The following PARP2 variants were observed in gnomAD, a reference collection of about 807,000 sequenced individuals.
The protein encoded by PARP2 is poly(ADP-ribose) polymerase 2.
A neutral mutation model predicts 77.8 loss-of-function variants in PARP2; 57 were observed. That is an observed-to-expected ratio of 0.73 (90% CI 0.59 to 0.91). PARP2 has a LOEUF of 0.91. Among genes scored for constraint, PARP2 ranks in the 40% least tolerant of loss-of-function variants. PARP2 has a pLI of 0.00. For missense variants in PARP2, 651 were observed against 689.0 expected (o/e 0.94, Z 0.62); for synonymous variants, 226 against 242.6 (o/e 0.93, Z 0.64).
chr14:20,350,978 C>T (rs934513207), intron 5 of PARP2, 69 bp from the exon 6 acceptor site: 7 of 1,181,332 alleles, frequency 5.9e-6, no homozygotes, highest in African/African-American at 1.5e-5. Flanking sequence ...AGATGTTAAG[C>T]AGAGAGATCT....
Position 20,357,032 on chromosome 14 carries a change from A to G in PARP2, c.1330-19A>G. 1 of 1,426,270 alleles carries G rather than the reference A, an allele frequency of 7.0e-7. No homozygotes were observed. Among genetic ancestry groups the G allele is most frequent in the Non-Finnish European group, 9.9e-7 (1 of 1,008,396 alleles). 88.4% of individuals were successfully genotyped at this position (1,426,270 alleles called of 1,614,324 possible). On this transcript the variant is annotated intron_variant, in intron 13 of 15. Coordinates refer to ENST00000429687, the MANE Select transcript of PARP2 (RefSeq NM_001042618.2). ...CAGTGGGTTAGAAGCTGACCTTGGT[A>G]TTCATGTATATATTTCAGTTTGGGA... is the stretch of plus-strand genomic sequence containing the variant.
chr14:20,351,183 T>TAA (rs373833557), intron 6 of PARP2, 61 bp downstream of exon 6: 3 of 1,386,458 alleles, frequency 2.2e-6, no homozygotes, highest in Non-Finnish European at 3.0e-6. Context: ...GTATATTCTC[T>TAA]AAAAAATTTT....
intron 4 of PARP2, among the ~76,000 whole-genome samples, chr14:20,349,108 G>T (rs1056192933): frequency 1.3e-5 from 2 of 152,154 alleles, no homozygotes; most frequent in African/African-American, 4.8e-5. Flanking sequence ...GGAGGCCAAG[G>T]CTGGAGAATC....
intron 9 of PARP2, 58 bp from the exon 10 acceptor site, chr14:20,355,694 C>A: frequency 7.4e-7 from 1 of 1,342,832 alleles, no homozygotes; most frequent in South Asian, 1.2e-5. Context: ...TATTTTTAGT[C>A]ATGCGCCTTT....
intron 4 of PARP2, among the ~76,000 whole-genome samples, chr14:20,347,356 G>GTGTGTATGTATATATA (rs1168423656): frequency 1.7e-4 from 5 of 29,572 alleles, no homozygotes; most frequent in Non-Finnish European, 2.2e-4. Flanking sequence ...ATGTGTGTGT[G>GTGTGTATGTATATATA]TATATATATA....
intron 7 of PARP2, among the ~76,000 whole-genome samples, chr14:20,353,473 G>C (rs1275867646): frequency 6.6e-6 from 1 of 151,328 alleles, no homozygotes; most frequent in East Asian, 2.0e-4. Flanking sequence ...TCGATCTCCT[G>C]ACATCATGAT....
intron 1 of PARP2, 103 bp from the exon 2 acceptor site, chr14:20,344,829 G>A (rs1224649404): frequency 8.2e-6 from 7 of 850,068 alleles, no homozygotes; most frequent in South Asian, 1.7e-5. Flanking sequence ...AAAAAAGAGA[G>A]AAAATTATCT....
At chr14:20,347,404 T>A (rs1338114077) in intron 4 of PARP2, among the ~76,000 whole-genome samples, 71 of 19,578 alleles carry the variant, frequency 3.6e-3, no homozygotes, top group Non-Finnish European at 6.9e-3. Flanking sequence ...ATATATTTTT[T>A]TTTTTTTTTT....
rs1242103638 is a variant in PARP2, at chr14:20,352,140, A to G, written c.498-105A>G. ...TTTATGGAAAGTTGATGTGTAAAGG[A>G]GCTCAGTGCTGGAAAATAAATTCTT... On this transcript the variant is annotated intron_variant, in intron 6 of 15. Coordinates refer to ENST00000429687, the MANE Select transcript of PARP2 (RefSeq NM_001042618.2). 5.3e-5 allele frequency: 33 copies of G among 624,656 alleles called. No individual in the cohort carries two copies. In the East Asian group the frequency reaches 8.0e-4, roughly 15 times the overall value. The allele number at this position is 624,656 out of a possible 1,614,324, so 38.7% of individuals were successfully genotyped here.
chr14:20,352,171 A>C (rs1244758886), intron 6 of PARP2, 74 bp from the exon 7 acceptor site: 1 of 780,200 alleles, frequency 1.3e-6, no homozygotes, highest in Non-Finnish European at 2.2e-6. Context: ...TTCTTTGGAG[A>C]TTTTCTGTCT....
chr14:20,344,854 A>G (rs1407926288), intron 1 of PARP2, 78 bp from the exon 2 acceptor site: 2 of 960,214 alleles, frequency 2.1e-6, no homozygotes, highest in Non-Finnish European at 3.2e-6. Context: ...CCATTTCTTT[A>G]AAAGATTTTT....
Position 20,343,699 on chromosome 14 carries a change from A to G in PARP2, c.46+12A>G, listed in dbSNP as rs571795279. The G allele has an allele frequency of 1.2e-6, 2 of 1,608,708 alleles. No homozygotes were observed. Among genetic ancestry groups the G allele is most frequent in the South Asian group, 1.1e-5 (1 of 89,844 alleles). On this transcript the variant is annotated intron_variant, in intron 1 of 15. Transcript: ENST00000429687. ...CGGCAGGGCGAGAGGTTCGGAGCTC[A>G]ATATCGCGGGACGGCATGCGGGGGG...
rs1884158745 is a variant in PARP2 at position 20,356,527 on chromosome 14, T to C, written c.1230-63T>C. The C allele has an allele frequency of 5.6e-6, 9 of 1,603,258 alleles. No individual in the cohort carries two copies. The South Asian group carries it at 6.6e-5, about 12-fold the overall frequency. On this transcript the variant is annotated intron_variant, in intron 12 of 15. Transcript: ENST00000429687. ...AGGGAGTCAGAGGAAGGTGTTGGCT[T>C]TTTTATGCTTATGGCCTATCTGTGC...
chr14:20,353,480 T>A (rs1884034015), intron 7 of PARP2, among the ~76,000 whole-genome samples: 1 of 151,990 alleles, frequency 6.6e-6, no homozygotes, highest in Non-Finnish European at 1.5e-5. Flanking sequence ...CCTGACATCA[T>A]GATCCGCCCG....
intron 3 of PARP2, among the ~76,000 whole-genome samples, chr14:20,345,713 A>G (rs1198571893): frequency 6.6e-6 from 1 of 152,156 alleles, no homozygotes; most frequent in Non-Finnish European, 1.5e-5. Context: ...GAGACTAGGT[A>G]TTTTATAAGA....
chr14:20,354,989 A>G (rs773702438), intron 9 of PARP2, 42 bp downstream of exon 9: 63 of 1,554,034 alleles, frequency 4.1e-5, no homozygotes, highest in Non-Finnish European at 5.1e-5. Context: ...TTCTACCTAT[A>G]CATATCCCCT....
intron 6 of PARP2, among the ~76,000 whole-genome samples, chr14:20,351,421 C>T (rs1303265946): frequency 6.6e-6 from 1 of 152,108 alleles, no homozygotes; most frequent in Non-Finnish European, 1.5e-5. Flanking sequence ...TCAGGTGATC[C>T]GCCTGCCTCA....
chr14:20,353,528 C>T (rs1053606998), intron 7 of PARP2, among the ~76,000 whole-genome samples: 9 of 152,168 alleles, frequency 5.9e-5, no homozygotes, highest in African/African-American at 2.2e-4. Flanking sequence ...CAAGCGTGAG[C>T]CACTGCGGCT....
chr14:20,347,824 A>G (rs1883824319), intron 4 of PARP2, among the ~76,000 whole-genome samples: 2 of 151,142 alleles, frequency 1.3e-5, no homozygotes, highest in African/African-American at 4.9e-5. Context: ...TGCAAATTTC[A>G]TATCATTTAT....
Sources: gnomAD v4.1 joint callset for allele counts (sites outside exome capture counted in the v4.1 genomes callset) on GRCh38, gnomAD v4.1.1 for gene constraint, MANE v1.5 for transcripts, NCBI Gene and HGNC (gene_info 2026-07-23, HGNC 2026-07-21) for gene names.